The following SSBP2 variants were observed in gnomAD, a reference collection of about 807,000 sequenced individuals.
The protein encoded by SSBP2 is single stranded DNA binding protein 2, also known as single-stranded DNA-binding protein 2.
SSBP2 carries 17 observed loss-of-function variants against 61.8 expected under a neutral mutation model. The observed-to-expected ratio is 0.28, with a 90% confidence interval of 0.19 to 0.41. The LOEUF (loss-of-function observed/expected upper bound fraction) is 0.41, where lower values mean the gene tolerates loss of function less well. SSBP2 is among the 10% of genes least tolerant of loss of function. The pLI is 1.00. For synonymous variants in SSBP2, 139 were observed against 141.3 expected (o/e 0.98, Z 0.12); for missense variants, 310 against 458.7 (o/e 0.68, Z 2.96).
At chr5:81,587,753 A>ACG (rs1287567021) in intron 4 of SSBP2, among the ~76,000 whole-genome samples, 5 of 115,514 alleles carry the variant, frequency 4.3e-5, no homozygotes, top group Non-Finnish European at 5.5e-5. Flanking sequence ...ACACGCACAC[A>ACG]CACGCGCGCG....
intron 1 of SSBP2, among the ~76,000 whole-genome samples, chr5:81,650,757 T>A (rs896399069): frequency 6.6e-6 from 1 of 152,136 alleles, no homozygotes; most frequent in African/African-American, 2.4e-5. Context: ...AATGTTAATA[T>A]AAACTCTAGC....
chr5:81,751,372 A>C (rs1446064559), upstream of SSBP2: 5 of 460,998 alleles, frequency 1.1e-5, no homozygotes, highest in African/African-American at 6.1e-5. Flanking sequence ...ACCCGGGCGC[A>C]AGGGGGGAAT....
chr5:81,600,001 T>C (rs1219381124), intron 4 of SSBP2, among the ~76,000 whole-genome samples: 1 of 152,236 alleles, frequency 6.6e-6, no homozygotes, highest in East Asian at 1.9e-4. Flanking sequence ...CTGGACTCTG[T>C]TTTATTTCTG....
intron 4 of SSBP2, among the ~76,000 whole-genome samples, chr5:81,602,818 T>A (rs984915460): frequency 3.9e-5 from 6 of 152,128 alleles, no homozygotes; most frequent in Non-Finnish European, 8.8e-5. Context: ...ACTGGTTCAT[T>A]TTCTATTTTC....
intron 1 of SSBP2, among the ~76,000 whole-genome samples, chr5:81,724,177 C>A (rs1755724800): frequency 6.6e-6 from 1 of 151,928 alleles, no homozygotes; most frequent in South Asian, 2.1e-4. Flanking sequence ...TTGAGGTATG[C>A]AAAAAATCTT....
intron 4 of SSBP2, among the ~76,000 whole-genome samples, chr5:81,520,146 A>G (rs1365280972): frequency 6.6e-6 from 1 of 151,688 alleles, no homozygotes; most frequent in Non-Finnish European, 1.5e-5. Flanking sequence ...CACCACGCCC[A>G]GCTATTTTTT....
At position 81,678,734 on chromosome 5, in the gene SSBP2, C is replaced by T. The variant is rs77228984; in HGVS notation, c.63-28395G>A. On this transcript the variant is annotated intron_variant, in intron 1 of 16. Coordinates refer to ENST00000320672, the MANE Select transcript of SSBP2 (RefSeq NM_012446.5). ...AGATAAGAATTATATCTGACTTATCCTCGGAAACTATGTACGCAGGAATAA... is the reference window on the plus strand; with the variant it reads ...AGATAAGAATTATATCTGACTTATCTTCGGAAACTATGTACGCAGGAATAA... 6.5e-3 allele frequency among the ~76,000 whole-genome samples: 990 copies of T among 151,948 alleles called. 38 individuals carry two copies. In the East Asian group the frequency reaches 0.098, roughly 15 times the overall value.
rs1013536597 is a variant in SSBP2 at position 81,420,315 on chromosome 5, C to T, written c.*189G>A. The T allele has an allele frequency of 1.6e-6, 1 of 615,438 alleles. No homozygotes were observed. The highest frequency in any genetic ancestry group is 2.9e-6 in the Non-Finnish European group (1 of 342,794). The allele number at this position is 615,438 out of a possible 1,614,324, so 38.1% of individuals were successfully genotyped here. A position where few individuals can be genotyped will look rare whatever the true frequency, so the allele number is the denominator to read the frequency against. On this transcript the variant is annotated 3_prime_UTR_variant, in exon 17 of 17. Transcript: ENST00000320672. The stretch of plus-strand genomic sequence containing the variant: ...GGCAATTCTAATATGCCACTCCGTA[C>T]AGTTGTTTGAATCACATTTGGACCC...
At chr5:81,444,298 C>A (rs911875940) in intron 12 of SSBP2, among the ~76,000 whole-genome samples, 1 of 152,114 alleles carries the variant, frequency 6.6e-6, no homozygotes, top group African/African-American at 2.4e-5. Context: ...AACCTTTCTG[C>A]CTCCATGATT....
intron 4 of SSBP2, among the ~76,000 whole-genome samples, chr5:81,595,553 G>C (rs1422091121): frequency 6.6e-6 from 1 of 152,130 alleles, no homozygotes; most frequent in Non-Finnish European, 1.5e-5. Flanking sequence ...GAGAATTTTA[G>C]ACCAATATCC....
Position 81,709,782 on chromosome 5 carries a change from A to T in SSBP2, c.62+41199T>A, listed in dbSNP as rs545285773. Among the ~76,000 whole-genome samples, 118 of 152,042 alleles carry T rather than the reference A, an allele frequency of 7.8e-4. 1 individual carries two copies. The highest frequency in any genetic ancestry group is 2.8e-3 in the African/African-American group (116 of 41,556). ...TTTATTTTGAAAAGAAAAAAATTTT[A>T]AAAGTCCAACGAAAATAAATATATA... On this transcript the variant is annotated intron_variant, in intron 1 of 16. Transcript: ENST00000320672.
chr5:81,645,902 T>A (rs1303385579), intron 2 of SSBP2, among the ~76,000 whole-genome samples: 1 of 152,180 alleles, frequency 6.6e-6, no homozygotes, highest in Non-Finnish European at 1.5e-5. Context: ...CACAACCTAG[T>A]TAGAGAAATG....
chr5:81,482,572 G>A (rs925591816), intron 6 of SSBP2, among the ~76,000 whole-genome samples: 7 of 152,122 alleles, frequency 4.6e-5, no homozygotes, highest in Admixed American at 2.6e-4. Flanking sequence ...ATCTCTGCCC[G>A]CCGCCCTCAG....
chr5:81,683,536 A>G (rs1752555944), intron 1 of SSBP2, among the ~76,000 whole-genome samples: 1 of 152,210 alleles, frequency 6.6e-6, no homozygotes, highest in Non-Finnish European at 1.5e-5. Flanking sequence ...CTCCTAGAAG[A>G]TAACATAGGA....
intron 4 of SSBP2, among the ~76,000 whole-genome samples, chr5:81,569,056 A>T (rs989137207): frequency 6.6e-6 from 1 of 152,206 alleles, no homozygotes; most frequent in Non-Finnish European, 1.5e-5. Flanking sequence ...TTCCACTTGG[A>T]CATTACTAAT....
At chr5:81,506,601 A>C (rs1488932816) in intron 5 of SSBP2, among the ~76,000 whole-genome samples, 2 of 152,186 alleles carry the variant, frequency 1.3e-5, no homozygotes, top group Non-Finnish European at 2.9e-5. Flanking sequence ...GAAAGATAAG[A>C]GGAAAGGCAA....
intron 1 of SSBP2, among the ~76,000 whole-genome samples, chr5:81,697,103 T>TA (rs1753653756): frequency 6.6e-6 from 1 of 152,256 alleles, no homozygotes; most frequent in Non-Finnish European, 1.5e-5. Flanking sequence ...TCTTTTAAAA[T>TA]AATTTTAATT....
At chr5:81,653,233 T>C (rs1261940782) in intron 1 of SSBP2, among the ~76,000 whole-genome samples, 2 of 152,166 alleles carry the variant, frequency 1.3e-5, no homozygotes, top group African/African-American at 4.8e-5. Context: ...TTGCTGAGAA[T>C]GATGGCTTCC....
rs919485667 is a variant in SSBP2 at position 81,446,062 on chromosome 5, A to C, written c.778+806T>G. Among the ~76,000 whole-genome samples, 3 of 152,164 alleles carry C rather than the reference A, an allele frequency of 2.0e-5. No homozygotes were observed. In the South Asian group the frequency reaches 6.2e-4, roughly 32 times the overall value. The stretch of plus-strand genomic sequence containing the variant: ...TTGAATTAGGCATGAGTTTGTGTCT[A>C]CTGTTTTACTCTTGAGTATAACAAA... On this transcript the variant is annotated intron_variant, in intron 12 of 16. Transcript: ENST00000320672.
Sources: allele counts gnomAD v4.1 joint callset (sites outside exome capture counted in the v4.1 genomes callset), GRCh38; gene constraint gnomAD v4.1.1; transcripts MANE v1.5; gene names NCBI Gene and HGNC (gene_info 2026-07-23, HGNC 2026-07-21).